The following ZSWIM6 variants were observed in gnomAD, a reference collection of about 807,000 sequenced individuals.
ZSWIM6 encodes the protein zinc finger SWIM domain-containing protein 6.
A neutral mutation model predicts 113.2 loss-of-function variants in ZSWIM6; 9 were observed. That is an observed-to-expected ratio of 0.08 (90% confidence interval 0.05 to 0.14). The LOEUF (loss-of-function observed/expected upper bound fraction) is 0.14. Among genes scored for constraint, ZSWIM6 ranks in the 10% least tolerant of loss-of-function variants. The pLI is 1.00. For missense variants in ZSWIM6, 1,162 were observed against 1,552.2 expected, an observed-to-expected ratio of 0.75 and a Z score of 4.22; for synonymous variants, 611 against 606.5, an observed-to-expected ratio of 1.01 and a Z score of -0.11.
In ZSWIM6 at chr5:61,391,531, C is replaced by T. The variant is rs1317108886; in HGVS notation, c.676+58583C>T. The T allele has an allele frequency of 3.8e-6, 4 of 1,043,180 alleles. No homozygotes were observed. The African/African-American group carries it at 4.7e-5, about 12-fold the overall frequency. The allele number at this position is 1,043,180 out of a possible 1,614,324, so 64.6% of individuals were successfully genotyped here. On this transcript the variant is annotated intron_variant, in intron 1 of 13. Transcript: ENST00000252744. ...CCGGTTTTTATAGAAATGTCTCTTG[C>T]ATGCATCGCTGATGTGCTCAGCGAA... is the stretch of plus-strand genomic sequence containing the variant.
At chr5:61,469,860 C>T (rs555378628) in intron 1 of ZSWIM6, among the ~76,000 whole-genome samples, 1 of 152,224 alleles carries the variant, frequency 6.6e-6, no homozygotes, top group East Asian at 1.9e-4. Context: ...AATGCCTGCC[C>T]CCATGCCTGG....
intron 2 of ZSWIM6, among the ~76,000 whole-genome samples, chr5:61,476,896 C>T (rs1332725571): frequency 1.3e-5 from 2 of 152,060 alleles, no homozygotes; most frequent in Admixed American, 6.5e-5. Flanking sequence ...TTGAATGGGA[C>T]CCATTTTTTC....
At chr5:61,354,896 T>C (rs1744868564) in intron 1 of ZSWIM6, among the ~76,000 whole-genome samples, 1 of 152,208 alleles carries the variant, frequency 6.6e-6, no homozygotes, top group East Asian at 1.9e-4. Context: ...TAAGGCAATA[T>C]ATGTTGTACT....
intron 4 of ZSWIM6, among the ~76,000 whole-genome samples, chr5:61,516,688 T>G (rs1460482813): frequency 6.6e-6 from 1 of 151,744 alleles, no homozygotes; most frequent in East Asian, 1.9e-4. Context: ...CATCATACTT[T>G]TAAAGAACTT....
intron 1 of ZSWIM6, among the ~76,000 whole-genome samples, chr5:61,418,828 T>C (rs971359993): frequency 2.0e-5 from 3 of 152,068 alleles, no homozygotes; most frequent in Admixed American, 1.3e-4. Flanking sequence ...TATAACTTAC[T>C]ATTATTTTTT....
intron 1 of ZSWIM6, among the ~76,000 whole-genome samples, chr5:61,420,637 T>C (rs1439949352): frequency 1.3e-5 from 2 of 152,102 alleles, no homozygotes; most frequent in South Asian, 2.1e-4. Context: ...ACAATTTGAT[T>C]TGATAATTGA....
intron 5 of ZSWIM6, among the ~76,000 whole-genome samples, chr5:61,524,102 A>G (rs2112265897): frequency 6.6e-6 from 1 of 152,376 alleles, no homozygotes; most frequent in Middle Eastern, 3.4e-3. Context: ...GAAATGACAA[A>G]AGATACTTAC....
At chr5:61,377,672 A>G (rs982662305) in intron 1 of ZSWIM6, among the ~76,000 whole-genome samples, 3 of 151,918 alleles carry the variant, frequency 2.0e-5, no homozygotes. Context: ...AGCCAAGATC[A>G]CACCACTGCA....
At chr5:61,508,533 T>C (rs1158079624) in intron 4 of ZSWIM6, among the ~76,000 whole-genome samples, 1 of 152,198 alleles carries the variant, frequency 6.6e-6, no homozygotes, top group African/African-American at 2.4e-5. Context: ...TTGCAAATAA[T>C]TTAGTTTTCT....
chr5:61,479,439 T>G (rs1747798809), intron 2 of ZSWIM6, among the ~76,000 whole-genome samples: 1 of 152,114 alleles, frequency 6.6e-6, no homozygotes, highest in Non-Finnish European at 1.5e-5. Flanking sequence ...ACATCTTGCC[T>G]TCCCTCACAC....
At chr5:61,494,129 C>A in intron 3 of ZSWIM6, 131 bp from the exon 4 acceptor site, 1 of 977,668 alleles carries the variant, frequency 1.0e-6, no homozygotes, top group Admixed American at 2.5e-5. Flanking sequence ...CCACCACACA[C>A]ACACACACAC....
chr5:61,474,402 A>C (rs1747655197), intron 2 of ZSWIM6, among the ~76,000 whole-genome samples: 1 of 152,212 alleles, frequency 6.6e-6, no homozygotes, highest in South Asian at 2.1e-4. Flanking sequence ...CCACATGCAT[A>C]GTTTTAAATA....
At position 61,530,188 on chromosome 5, in the gene ZSWIM6, A is replaced by G; in HGVS notation, c.1974A>G (p.Ser658=). 6.4e-7 allele frequency: 1 copy of G among 1,550,880 alleles called. No homozygotes were observed. The highest frequency in any genetic ancestry group is 2.4e-5 in the East Asian group (1 of 40,916). Residue 658 remains serine, a synonymous_variant, in exon 8 of 14, where the codon TCA becomes TCG. Coordinates refer to ENST00000252744, the MANE Select transcript of ZSWIM6 (RefSeq NM_020928.2). Reference sequence around the variant, plus strand: ...ATGATGAGAACCTCTCTGGGTTCTCAGATTTTACAGGTAAAACCATTGACA... The same window carrying G: ...ATGATGAGAACCTCTCTGGGTTCTCGGATTTTACAGGTAAAACCATTGACA... ...RIDDENLSGF[S]DFTENMGQCK...
At chr5:61,356,259 C>G (rs1022070687) in intron 1 of ZSWIM6, among the ~76,000 whole-genome samples, 11 of 152,288 alleles carry the variant, frequency 7.2e-5, no homozygotes, top group African/African-American at 2.6e-4. Context: ...CCACCATGCC[C>G]AGCTTCAAAC....
In ZSWIM6 at chr5:61,521,352, G is replaced by A; in HGVS notation, c.1423G>A (p.Val475Ile). The A allele has an allele frequency of 3.3e-6, 5 of 1,530,846 alleles. No individual in the cohort carries two copies. The highest frequency in any genetic ancestry group is 4.4e-6 in the Non-Finnish European group (5 of 1,137,590). The allele number at this position is 1,530,846 out of a possible 1,614,324, so 94.8% of individuals were successfully genotyped here. The stretch of plus-strand genomic sequence containing the variant: ...AAAACAGCTGAAGAAATGGAATAGT[G>A]TTGATGTCTGTCCATGGGAAGATGG... ...WLKQLKKWNS[V>I]DVCPWEDGNH... The change falls in exon 5 of 14, where the codon GTT (valine) becomes ATT (isoleucine). Residue 475 changes from valine to isoleucine, a missense_variant. Coordinates refer to ENST00000252744, the MANE Select transcript of ZSWIM6 (RefSeq NM_020928.2).
chr5:61,405,495 C>G (rs902977069), intron 1 of ZSWIM6, among the ~76,000 whole-genome samples: 133 of 152,276 alleles, frequency 8.7e-4, no homozygotes, highest in African/African-American at 3.0e-3. Flanking sequence ...GGGGCTAACT[C>G]CTCAGAGGAG....
intron 1 of ZSWIM6, among the ~76,000 whole-genome samples, chr5:61,344,467 G>A (rs1255015184): frequency 6.6e-6 from 1 of 152,142 alleles, no homozygotes; most frequent in African/African-American, 2.4e-5. Flanking sequence ...GCTCCAGTTT[G>A]TTCTTTCTTT....
In ZSWIM6 at chr5:61,460,311, TG is replaced by T. The variant is rs546837087; in HGVS notation, c.677-12369del. Among the ~76,000 whole-genome samples, 49 of 152,312 alleles carry T rather than the reference TG, an allele frequency of 3.2e-4. 1 individual carries two copies. The highest frequency in any genetic ancestry group is 4.9e-4 in the Non-Finnish European group (33 of 68,028). On this transcript the variant is annotated intron_variant, in intron 1 of 13. Transcript: ENST00000252744. Reference sequence around the variant, plus strand: ...CTACTGCTTATACTGAATTATGGTTTGTTTTTTTTTAATATCTTACAGCAGT... The same window carrying T: ...CTACTGCTTATACTGAATTATGGTTTTTTTTTTTTAATATCTTACAGCAGT...
At chr5:61,400,031 T>A (rs996911731) in intron 1 of ZSWIM6, among the ~76,000 whole-genome samples, 2 of 152,204 alleles carry the variant, frequency 1.3e-5, no homozygotes, top group African/African-American at 4.8e-5. Flanking sequence ...CTGAGGGGCA[T>A]GGACGTGATC....
Sources: gnomAD v4.1 joint callset for allele counts (sites outside exome capture counted in the v4.1 genomes callset) on GRCh38, gnomAD v4.1.1 for gene constraint, MANE v1.5 for transcripts, NCBI Gene and HGNC (gene_info 2026-07-23, HGNC 2026-07-21) for gene names.